PAXIP1: variants seen among roughly 807,000 people sequenced by gnomAD.
PAXIP1 encodes PAX-interacting protein 1.
In PAXIP1, 19 loss-of-function variants were observed where a neutral mutation model predicts 140.6. The observed-to-expected ratio is 0.14, with a 90% CI of 0.09 to 0.20. The LOEUF is 0.20. Among genes scored for constraint, PAXIP1 ranks in the 10% least tolerant of loss-of-function variants. The pLI, the probability that PAXIP1 is intolerant of heterozygous loss-of-function variation, is 1.00. For missense variants in PAXIP1, 920 were observed against 1,208.6 expected (o/e 0.76, Z 3.54); for synonymous variants, 442 against 444.6 (o/e 0.99, Z 0.07).
At position 154,955,471 on chromosome 7, in the gene PAXIP1, A is replaced by T. The variant is rs1351123720; in HGVS notation, c.2652+58T>A. ...TTAATAAAACTGCTGATCTGAAGTA[A>T]ATATATACAAAAAAGGACACTGCTA... On this transcript the variant is annotated intron_variant, in intron 15 of 20. Coordinates refer to ENST00000404141, the MANE Select transcript of PAXIP1 (RefSeq NM_007349.4). The T allele has an allele frequency of 3.1e-6, 3 of 973,438 alleles. No homozygotes were observed. In the East Asian group the frequency reaches 7.3e-5, roughly 24 times the overall value. 60.3% of individuals were successfully genotyped at this position (973,438 alleles called of 1,614,324 possible). A position where few individuals can be genotyped will look rare whatever the true frequency, so the allele number is the denominator to read the frequency against.
chr7:154,959,399 A>C (rs148826136), intron 13 of PAXIP1, among the ~76,000 whole-genome samples: 1 of 152,326 alleles, frequency 6.6e-6, no homozygotes, highest in African/African-American at 2.4e-5. Context: ...TCTAAACTGA[A>C]AAATTATTGA....
chr7:154,975,898 T>C lies in PAXIP1; in HGVS notation c.872A>G (p.Asn291Ser). 6.2e-7 allele frequency: 1 copy of C among 1,613,892 alleles called. No individual in the cohort carries two copies. Among genetic ancestry groups the C allele is most frequent in the East Asian group, 2.2e-5 (1 of 44,872 alleles). Residue 291 changes from asparagine (N) to serine (S), a missense_variant, in exon 6 of 21, where the codon AAC (asparagine) becomes AGC (serine). Transcript: ENST00000404141. Reference protein sequence around the residue: ...LPQGKEPGLINLCANVPPVPG... With the variant: ...LPQGKEPGLISLCANVPPVPG... ...GACGGGTGGGACATTGGCACACAAG[T>C]TAATCAACCCAGGCTCCTTTCCCTG...
chr7:154,996,141 C>T (rs1810598387), intron 2 of PAXIP1, among the ~76,000 whole-genome samples: 1 of 152,158 alleles, frequency 6.6e-6, no homozygotes, highest in South Asian at 2.1e-4. Context: ...TCAGACTCAA[C>T]TATTAGCAGC....
intron 11 of PAXIP1, 107 bp downstream of exon 11, chr7:154,961,420 A>G (rs990019762): frequency 6.0e-5 from 55 of 921,720 alleles, no homozygotes; most frequent in Middle Eastern, 5.7e-4. Context: ...GATTTCCACA[A>G]ATTTCTACCA....
intron 4 of PAXIP1, among the ~76,000 whole-genome samples, chr7:154,984,379 G>T (rs1809971355): frequency 6.6e-6 from 1 of 152,140 alleles, no homozygotes; most frequent in African/African-American, 2.4e-5. Context: ...GTAAGTTGAG[G>T]ATTATAGTTG....
intron 16 of PAXIP1, chr7:154,949,010 A>T (rs1321550659): frequency 6.6e-6 from 1 of 152,178 alleles, no homozygotes; most frequent in African/African-American, 2.4e-5. Context: ...ATGTGTCAAA[A>T]GGTAAAGATC....
rs1382455504 is a variant in PAXIP1 at position 154,954,591 on chromosome 7, AAAAAT to A, written c.2653-173_2653-169del. On this transcript the variant is annotated intron_variant, in intron 15 of 20. Coordinates refer to ENST00000404141, the MANE Select transcript of PAXIP1 (RefSeq NM_007349.4). The surrounding 1 kb of genome is among the most constrained non-coding windows in gnomAD (Gnocchi z 5.1). ...AAAACAAAACCTGTAACTACAAGAG[AAAAAT>A]AAAAAAGAGAATTTATCATTTACAT... Among the ~76,000 whole-genome samples, 2 of 152,254 alleles carry A rather than the reference AAAAAT, an allele frequency of 1.3e-5. No homozygotes were observed. The highest frequency in any genetic ancestry group is 4.8e-5 in the African/African-American group (2 of 41,464).
intron 2 of PAXIP1, among the ~76,000 whole-genome samples, chr7:154,995,362 G>T (rs1254401182): frequency 6.6e-6 from 1 of 152,130 alleles, no homozygotes; most frequent in Non-Finnish European, 1.5e-5. Context: ...CTTGGGTAGG[G>T]TATCCCAGTT....
intron 2 of PAXIP1, among the ~76,000 whole-genome samples, chr7:154,997,960 T>A (rs900510684): frequency 6.6e-6 from 1 of 152,228 alleles, no homozygotes; most frequent in African/African-American, 2.4e-5. Flanking sequence ...TGAAATACAC[T>A]CTTACAATAA....
chr7:154,987,275 G>T (rs1810118021), intron 4 of PAXIP1, among the ~76,000 whole-genome samples: 1 of 152,056 alleles, frequency 6.6e-6, no homozygotes, highest in Non-Finnish European at 1.5e-5. Flanking sequence ...CACAGAATAG[G>T]ACTCAGGATA....
chr7:154,976,264 C>G lies in PAXIP1; in HGVS notation c.506G>C (p.Cys169Ser). The G allele has an allele frequency of 1.9e-6, 3 of 1,613,642 alleles. No individual in the cohort carries two copies. The highest frequency in any genetic ancestry group is 2.5e-6 in the Non-Finnish European group (3 of 1,179,782). ...KIVTPDWVLD[C>S]VSEKTKKDEA... ...GTCCTTTTTGGTTTTCTCTGATACG[C>G]AATCCAGAACCCAGTCAGGAGTCAC... The change falls in exon 6 of 21, where the codon TGC becomes TCC. Residue 169 changes from cysteine to serine, a missense_variant. Coordinates refer to ENST00000404141, the MANE Select transcript of PAXIP1 (RefSeq NM_007349.4).
intron 6 of PAXIP1, among the ~76,000 whole-genome samples, 188 bp from the exon 7 acceptor site, chr7:154,969,314 G>A (rs3800579): frequency 0.22 from 33,945 of 152,016 alleles, 4,522 homozygotes; most frequent in Admixed American, 0.33. Flanking sequence ...CGCCAATATC[G>A]TAAAGTAAAT....
At chr7:154,971,685 T>G (rs1809338039) in intron 6 of PAXIP1, among the ~76,000 whole-genome samples, 1 of 152,236 alleles carries the variant, frequency 6.6e-6, no homozygotes, top group Non-Finnish European at 1.5e-5. Flanking sequence ...ATCACAACTG[T>G]CATAATCCTC....
At position 154,946,423 on chromosome 7, in the gene PAXIP1, C is replaced by T. The variant is rs1399299303; in HGVS notation, c.3136G>A (p.Val1046Ile). The T allele has an allele frequency of 1.2e-6, 2 of 1,613,572 alleles. No individual in the cohort carries two copies. Among genetic ancestry groups the T allele is most frequent in the African/African-American group, 1.3e-5 (1 of 75,032 alleles). Residue 1046 changes from valine (V) to isoleucine (I), a missense_variant and splice_region_variant, in exon 20 of 21, where the codon GTT becomes ATT. By Grantham distance (29) the Val-to-Ile change is conservative. Coordinates refer to ENST00000404141, the MANE Select transcript of PAXIP1 (RefSeq NM_007349.4). This position sits in a 1 kb window ranked among gnomAD's most constrained non-coding sequence, Gnocchi z 4.9. ...CREYFARGID[V>I]HNAEFVLTGV... ...GTCAGAACGAACTCTGCATTGTGAACATCTGAACAGGGTGGAAACAGACAC... is the reference window on the plus strand; with the variant it reads ...GTCAGAACGAACTCTGCATTGTGAATATCTGAACAGGGTGGAAACAGACAC...
In PAXIP1 at chr7:154,975,876, G is replaced by A. The variant is rs1232761681; in HGVS notation, c.894C>T (p.Pro298=). Residue 298 remains proline, a synonymous_variant, in exon 6 of 21, where the codon CCC becomes CCT. Coordinates refer to ENST00000404141, the MANE Select transcript of PAXIP1 (RefSeq NM_007349.4). ...CAGGGGGCAAAATGTTACCTGGGAC[G>A]GGTGGGACATTGGCACACAAGTTAA... ...GLINLCANVP[P]VPGNILPPEV... 11 of 1,613,996 alleles carry A rather than the reference G, an allele frequency of 6.8e-6. No individual in the cohort carries two copies. Among genetic ancestry groups the A allele is most frequent in the South Asian group, 5.5e-5 (5 of 91,078 alleles).
At chr7:154,951,655 T>C (rs1808277455) in intron 16 of PAXIP1, 1 of 152,192 alleles carries the variant, frequency 6.6e-6, no homozygotes, top group Non-Finnish European at 1.5e-5. Context: ...AAATAAAAGC[T>C]AGTCAACCAA....
At chr7:154,980,799 CTCTCTT>C (rs1294001862) in intron 5 of PAXIP1, among the ~76,000 whole-genome samples, 1 of 152,132 alleles carries the variant, frequency 6.6e-6, no homozygotes, top group Non-Finnish European at 1.5e-5. Flanking sequence ...TTATTAATTG[CTCTCTT>C]TCTCTTTCTT....
intron 1 of PAXIP1, chr7:155,001,916 G>A (rs1810919275): frequency 6.6e-6 from 1 of 152,268 alleles, no homozygotes; most frequent in Non-Finnish European, 1.5e-5. Context: ...AAGTTCATCT[G>A]CGAAATATGA....
chr7:154,960,865 G>A, intron 12 of PAXIP1, 28 bp downstream of exon 12: 1 of 1,470,688 alleles, frequency 6.8e-7, no homozygotes, highest in Non-Finnish European at 9.2e-7. Flanking sequence ...ATTTAAGTAA[G>A]ATTTGCAGCA....
Sources: allele counts gnomAD v4.1 joint callset (sites outside exome capture counted in the v4.1 genomes callset), GRCh38; gene constraint gnomAD v4.1.1; non-coding constraint Gnocchi (gnomAD v3.1); transcripts MANE v1.5; gene names NCBI Gene and HGNC (gene_info 2026-07-23, HGNC 2026-07-21).